ZNF704: variants seen among roughly 807,000 people sequenced by gnomAD.
The protein encoded by ZNF704 is zinc finger protein 704.
Under a neutral mutation model 44.7 loss-of-function variants are expected in ZNF704, and 10 were observed. The ratio of observed to expected loss-of-function variants is 0.22; its 90% confidence interval spans 0.14 to 0.38. The LOEUF is 0.38. Among genes scored for constraint, ZNF704 ranks in the 10% least tolerant of loss-of-function variants. The pLI, the probability that ZNF704 is intolerant of heterozygous loss-of-function variation, is 1.00. For synonymous variants in ZNF704, 211 were observed against 207.6 expected, an observed-to-expected ratio of 1.02 and a Z score of -0.14; for missense variants, 390 against 545.5, an observed-to-expected ratio of 0.71 and a Z score of 2.84.
chr8:80,771,862 A>G (rs1807326003), intron 2 of ZNF704, among the ~76,000 whole-genome samples: 1 of 152,030 alleles, frequency 6.6e-6, no homozygotes, highest in African/African-American at 2.4e-5. Context: ...AGTTCCTTCT[A>G]TTTCTATTTT....
intron 2 of ZNF704, among the ~76,000 whole-genome samples, chr8:80,785,791 C>G (rs1393702724): frequency 6.6e-6 from 1 of 152,120 alleles, no homozygotes; most frequent in Non-Finnish European, 1.5e-5. Context: ...TAGAATCAAT[C>G]ATTTTTCCAG....
At chr8:80,764,186 T>C (rs1476375430) in intron 2 of ZNF704, among the ~76,000 whole-genome samples, 1 of 152,210 alleles carries the variant, frequency 6.6e-6, no homozygotes, top group Non-Finnish European at 1.5e-5. Flanking sequence ...GGTACCAATT[T>C]ATTGTATTGG....
intron 2 of ZNF704, among the ~76,000 whole-genome samples, chr8:80,733,012 T>C (rs1806608176): frequency 6.6e-6 from 1 of 151,576 alleles, no homozygotes. Context: ...TCTCGACTCA[T>C]TTAATCTTTC....
the ZNF704 span, among the ~76,000 whole-genome samples, chr8:80,883,832 G>A: frequency 6.6e-6 from 1 of 152,034 alleles, no homozygotes; most frequent in Non-Finnish European, 1.5e-5. Context: ...AGGGTATTTC[G>A]AGGTTTGATG....
At chr8:80,718,036 T>TGCTAA (rs1819099083) in intron 2 of ZNF704, among the ~76,000 whole-genome samples, 2 of 152,212 alleles carry the variant, frequency 1.3e-5, no homozygotes, top group African/African-American at 4.8e-5. Flanking sequence ...GCTTAAAACC[T>TGCTAA]GCTAAGCTGT....
At chr8:80,836,483 G>C (rs186259281) in intron 1 of ZNF704, among the ~76,000 whole-genome samples, 1 of 152,032 alleles carries the variant, frequency 6.6e-6, no homozygotes, top group Non-Finnish European at 1.5e-5. Context: ...ATCAGCTACA[G>C]AATTATCATT....
intron 1 of ZNF704, among the ~76,000 whole-genome samples, chr8:80,835,270 A>G (rs1563570936): frequency 6.6e-6 from 1 of 152,226 alleles, no homozygotes; most frequent in Non-Finnish European, 1.5e-5. Context: ...ATTCACTTGT[A>G]TATTTTTCCC....
chr8:80,803,089 C>T (rs533735060), intron 2 of ZNF704, among the ~76,000 whole-genome samples: 40 of 152,126 alleles, frequency 2.6e-4, no homozygotes, highest in Non-Finnish European at 5.4e-4. Context: ...CTCTCATTCA[C>T]AATTGCTACA....
At chr8:80,824,074 T>C (rs1157430077) in intron 1 of ZNF704, among the ~76,000 whole-genome samples, 4 of 152,192 alleles carry the variant, frequency 2.6e-5, no homozygotes, top group Non-Finnish European at 4.4e-5. Context: ...GGATGGAGAA[T>C]GACTTTAACG....
intron 2 of ZNF704, among the ~76,000 whole-genome samples, chr8:80,753,242 C>G (rs1301307237): frequency 1.3e-5 from 2 of 152,174 alleles, no homozygotes; most frequent in Non-Finnish European, 2.9e-5. Context: ...GCCCAGGCTC[C>G]TGTTTCTAAA....
chr8:80,820,145 T>G (rs776960192), intron 2 of ZNF704, among the ~76,000 whole-genome samples: 1 of 152,230 alleles, frequency 6.6e-6, no homozygotes, highest in Admixed American at 6.5e-5. Context: ...CTTTTTTTCA[T>G]CTGACAAATA....
chr8:80,756,294 T>C (rs1586005038), intron 2 of ZNF704, among the ~76,000 whole-genome samples: 1 of 152,318 alleles, frequency 6.6e-6, no homozygotes, highest in East Asian at 1.9e-4. Flanking sequence ...AAGTTTCCAC[T>C]ACAATGGAAA....
At chr8:80,696,566 T>G (rs1818728638) in intron 2 of ZNF704, among the ~76,000 whole-genome samples, 1 of 152,134 alleles carries the variant, frequency 6.6e-6, no homozygotes, top group Admixed American at 6.5e-5. Flanking sequence ...TACAGGCATG[T>G]GTCACCACCC....
rs1461315365 is a variant in ZNF704 at position 80,664,324 on chromosome 8, T to C, written c.927+491A>G. ...GTTTTTCTTGTTGCCCAGGCTGGAGTGCAATGGTGGGATCTCGGCTCACCG... is the reference window on the plus strand; with the variant it reads ...GTTTTTCTTGTTGCCCAGGCTGGAGCGCAATGGTGGGATCTCGGCTCACCG... On this transcript the variant is annotated intron_variant, in intron 6 of 8. Coordinates refer to ENST00000327835, the MANE Select transcript of ZNF704 (RefSeq NM_001033723.3). Among the ~76,000 whole-genome samples, 7 of 146,174 alleles carry C rather than the reference T, an allele frequency of 4.8e-5. No homozygotes were observed. In the East Asian group the frequency reaches 1.4e-3, roughly 30 times the overall value.
chr8:80,827,223 A>G (rs1390233339), intron 1 of ZNF704, among the ~76,000 whole-genome samples: 1 of 152,228 alleles, frequency 6.6e-6, no homozygotes, highest in Non-Finnish European at 1.5e-5. Context: ...CAACTTCAGG[A>G]AAGTGTCAGG....
At chr8:80,735,452 G>A (rs1280386142) in intron 2 of ZNF704, among the ~76,000 whole-genome samples, 4 of 152,136 alleles carry the variant, frequency 2.6e-5, no homozygotes, top group Admixed American at 2.0e-4. Flanking sequence ...CAAACCTGTG[G>A]AGCCAGGGGC....
At chr8:80,733,576 A>G (rs550411476) in intron 2 of ZNF704, among the ~76,000 whole-genome samples, 1 of 152,278 alleles carries the variant, frequency 6.6e-6, no homozygotes, top group East Asian at 1.9e-4. Flanking sequence ...CCATGTCTCA[A>G]TCCAAAGTGT....
chr8:80,762,788 G>GC (rs1807153898), intron 2 of ZNF704, among the ~76,000 whole-genome samples: 1 of 152,124 alleles, frequency 6.6e-6, no homozygotes, highest in Admixed American at 6.6e-5. Flanking sequence ...CTAAGACAAG[G>GC]CAAGTCCTTT....
chr8:80,780,543 TAATTA>T (rs145263583), intron 2 of ZNF704, among the ~76,000 whole-genome samples: 77 of 152,218 alleles, frequency 5.1e-4, no homozygotes, highest in African/African-American at 1.8e-3. Context: ...TTTGCTGATA[TAATTA>T]TATTAAGGAT....
Sources: gnomAD v4.1 joint callset for allele counts (sites outside exome capture counted in the v4.1 genomes callset) on GRCh38, gnomAD v4.1.1 for gene constraint, MANE v1.5 for transcripts, NCBI Gene and HGNC (gene_info 2026-07-23, HGNC 2026-07-21) for gene names.